CCL13: variants seen among roughly 807,000 people sequenced by gnomAD.
The protein encoded by CCL13 is C-C motif chemokine 13.
In CCL13, 5 loss-of-function variants were observed where a neutral mutation model predicts 6.6. The observed-to-expected ratio is 0.76, with a 90% confidence interval of 0.40 to 1.60. CCL13 has a LOEUF of 1.60. CCL13 is among the 40% of genes most tolerant of loss of function. The pLI, the probability that CCL13 is intolerant of heterozygous loss-of-function variation, is 0.02. For synonymous variants in CCL13, 39 were observed against 43.0 expected (o/e 0.91, Z 0.37); for missense variants, 117 against 114.2 (o/e 1.02, Z -0.11).
rs1252719960 is a variant in CCL13 at position 34,358,454 on chromosome 17, G to T, written c.*323G>T. On this transcript the variant is annotated 3_prime_UTR_variant, in exon 3 of 3. Transcript: ENST00000225844. ...TTCGGTTCCCAGGGGTTGAGAGCATGCCTGTGGGAGTCATGGACATGAAGG... is the reference window on the plus strand; with the variant it reads ...TTCGGTTCCCAGGGGTTGAGAGCATTCCTGTGGGAGTCATGGACATGAAGG... The T allele has an allele frequency of 8.7e-6, 3 of 344,752 alleles. No individual in the cohort carries two copies. The highest frequency in any genetic ancestry group is 6.6e-5 in the African/African-American group (3 of 45,538). The allele number at this position is 344,752 out of a possible 1,614,324, so 21.4% of individuals were successfully genotyped here. A position where few individuals can be genotyped will look rare whatever the true frequency, so the allele number is the denominator to read the frequency against.
chr17:34,356,533 GTC>G lies in CCL13; in HGVS notation c.11_12del (p.Ser4CysfsTer35). The G allele has an allele frequency of 6.2e-7, 1 of 1,611,702 alleles. No individual in the cohort carries two copies. Reference sequence around the variant, plus strand: ...CCAACTCTTAACCTTCAACATGAAAGTCTCTGCAGTGCTTCTGTGCCTGCTGC... The same window carrying G: ...CCAACTCTTAACCTTCAACATGAAAGTCTGCAGTGCTTCTGTGCCTGCTGC... MK[V>X]SAVLLCLLLM... On this transcript the variant is annotated frameshift_variant, in exon 1 of 3. Transcript: ENST00000225844. LOFTEE classifies it high-confidence loss of function.
At chr17:34,357,848 A>G (rs1425115781) in intron 2 of CCL13, among the ~76,000 whole-genome samples, 178 bp from the exon 3 acceptor site, 2 of 152,232 alleles carry the variant, frequency 1.3e-5, no homozygotes, top group Non-Finnish European at 2.9e-5. Context: ...AGGGGCAGCA[A>G]GAGCAGTGGC....
At chr17:34,357,630 C>T (rs1910386232) in intron 2 of CCL13, 41 bp downstream of exon 2, 2 of 1,163,758 alleles carry the variant, frequency 1.7e-6, no homozygotes, top group African/African-American at 3.0e-5. Context: ...CCTCCCCACT[C>T]CCACATTCCC....
intron 2 of CCL13, among the ~76,000 whole-genome samples, 177 bp downstream of exon 2, chr17:34,357,766 T>C (rs1910390554): frequency 6.6e-6 from 1 of 152,206 alleles, no homozygotes; most frequent in Admixed American, 6.5e-5. Context: ...AGAGGACCTA[T>C]AATTTCCCAC....
chr17:34,356,539 G>T lies in CCL13; in HGVS notation c.13G>T (p.Ala5Ser), dbSNP rs3136677. 2.0e-3 allele frequency: 3,220 copies of T among 1,612,836 alleles called. 35 individuals carry two copies. In the African/African-American group the frequency reaches 0.035, roughly 18 times the overall value. The change falls in exon 1 of 3, where the codon GCA becomes TCA. Residue 5 changes from alanine to serine, a missense_variant. By Grantham distance (99) the Ala-to-Ser change is moderately conservative. Transcript: ENST00000225844. ...CTTAACCTTCAACATGAAAGTCTCT[G>T]CAGTGCTTCTGTGCCTGCTGCTCAT... MKVS[A>S]VLLCLLLMTA...
rs1237871365 is a variant in CCL13 at position 34,358,146 on chromosome 17, A to C, written c.*15A>C. 6.4e-7 allele frequency: 1 copy of C among 1,566,924 alleles called. No homozygotes were observed. Among genetic ancestry groups the C allele is most frequent in the Non-Finnish European group, 8.8e-7 (1 of 1,137,474 alleles). ...TGAAGACTTGAACTCTGCTACCCCT[A>C]CTGAAATCAAGCTGGAGTACGTGAA... On this transcript the variant is annotated 3_prime_UTR_variant, in exon 3 of 3. Transcript: ENST00000225844.
intron 2 of CCL13, 27 bp from the exon 3 acceptor site, chr17:34,357,999 A>C: frequency 1.3e-6 from 2 of 1,536,964 alleles, no homozygotes; most frequent in Non-Finnish European, 1.8e-6. Context: ...GTTCCATCTA[A>C]CTGTGCCAGA....
At position 34,358,274 on chromosome 17, in the gene CCL13, ATG is replaced by A. The variant is rs940311334; in HGVS notation, c.*147_*148del. The A allele has an allele frequency of 2.4e-5, 16 of 670,996 alleles. No individual in the cohort carries two copies. Among genetic ancestry groups the A allele is most frequent in the Non-Finnish European group, 4.2e-5 (16 of 379,864 alleles). 41.6% of individuals were successfully genotyped at this position (670,996 alleles called of 1,614,324 possible). A position where few individuals can be genotyped will look rare whatever the true frequency, so the allele number is the denominator to read the frequency against. The stretch of plus-strand genomic sequence containing the variant: ...TCGGTTTTGTGATTCAAAATGTACT[ATG>A]TGTTAAGTAATATTGGCTATTATTT... On this transcript the variant is annotated 3_prime_UTR_variant, in exon 3 of 3. Transcript: ENST00000225844.
In CCL13 at chr17:34,357,519, A is replaced by T; in HGVS notation, c.121A>T (p.Lys41Ter). Residue 41 changes from lysine (K) to a stop codon, truncating the protein, a stop_gained, in exon 2 of 3, where the codon AAG becomes TAG. Transcript: ENST00000225844. LOFTEE classifies it high-confidence loss of function. Reference protein sequence around the residue: ...PSTCCFTFSSKKISLQRLKSY... With the variant: ...PSTCCFTFSS ...TACTTGCTGCTTCACATTTAGCAGTAAGAAGATCTCCTTGCAGAGGCTGAA... is the reference window on the plus strand; with the variant it reads ...TACTTGCTGCTTCACATTTAGCAGTTAGAAGATCTCCTTGCAGAGGCTGAA... 2 of 1,613,292 alleles carry T rather than the reference A, an allele frequency of 1.2e-6. No homozygotes were observed. Among genetic ancestry groups the T allele is most frequent in the Non-Finnish European group, 1.7e-6 (2 of 1,179,270 alleles).
At chr17:34,357,016 C>T (rs1910367356) in intron 1 of CCL13, among the ~76,000 whole-genome samples, 1 of 152,180 alleles carries the variant, frequency 6.6e-6, no homozygotes, top group Admixed American at 6.5e-5. Flanking sequence ...TAAGGCTCCT[C>T]AGAGGTTCAC....
intron 1 of CCL13, 123 bp from the exon 2 acceptor site, chr17:34,357,352 G>A: frequency 7.6e-6 from 5 of 653,996 alleles, no homozygotes; most frequent in African/African-American, 1.8e-5. Flanking sequence ...TGCTGGGCTT[G>A]GGGGTGAGTA....
At position 34,358,011 on chromosome 17, in the gene CCL13, C is replaced by T. The variant is rs993972988; in HGVS notation, c.192-15C>T. ...AGGGTTCCATCTAACTGTGCCAGAT[C>T]TCCTTCCTCCACAGCTTCAGAACCA... is the stretch of plus-strand genomic sequence containing the variant. On this transcript the variant is annotated splice_polypyrimidine_tract_variant and intron_variant, in intron 2 of 2. Transcript: ENST00000225844. The T allele has an allele frequency of 6.3e-7, 1 of 1,587,460 alleles. No individual in the cohort carries two copies. The highest frequency in any genetic ancestry group is 8.6e-7 in the Non-Finnish European group (1 of 1,158,644).
chr17:34,358,035 C>A lies in CCL13; in HGVS notation c.201C>A (p.Thr67=), dbSNP rs1220597651. The A allele has an allele frequency of 3.7e-6, 6 of 1,612,316 alleles. No individual in the cohort carries two copies. In the Admixed American group the frequency reaches 5.0e-5, roughly 13 times the overall value. The change falls in exon 3 of 3, where the codon ACC becomes ACA. Residue 67 remains threonine (T), a synonymous_variant. Coordinates refer to ENST00000225844, the MANE Select transcript of CCL13 (RefSeq NM_005408.3). The part of the protein sequence containing the change: ...RCPQKAVIFR[T]KLGKEICADP... ...TCTCCTTCCTCCACAGCTTCAGAAC[C>A]AAACTGGGCAAGGAGATCTGTGCTG...
At chr17:34,357,637 T>G in intron 2 of CCL13, 48 bp downstream of exon 2, 1 of 1,125,562 alleles carries the variant, frequency 8.9e-7, no homozygotes, top group African/African-American at 1.5e-5. Context: ...ACTCCCACAT[T>G]CCCCAATCCA....
chr17:34,356,541 A>C lies in CCL13; in HGVS notation c.15A>C (p.Ala5=). Residue 5 remains alanine, a synonymous_variant, in exon 1 of 3, where the codon GCA becomes GCC. Coordinates refer to ENST00000225844, the MANE Select transcript of CCL13 (RefSeq NM_005408.3). ...TAACCTTCAACATGAAAGTCTCTGC[A>C]GTGCTTCTGTGCCTGCTGCTCATGA... is the stretch of plus-strand genomic sequence containing the variant. MKVS[A]VLLCLLLMTA... 6.2e-7 allele frequency: 1 copy of C among 1,613,084 alleles called. No homozygotes were observed. Among genetic ancestry groups the C allele is most frequent in the Non-Finnish European group, 8.5e-7 (1 of 1,179,146 alleles).
chr17:34,357,612 A>G, intron 2 of CCL13, 23 bp downstream of exon 2: 1 of 1,429,590 alleles, frequency 7.0e-7, no homozygotes, highest in Non-Finnish European at 9.9e-7. Context: ...ATCCCTGCTC[A>G]CCTGGCTCCT....
chr17:34,356,955 G>A (rs898566782), intron 1 of CCL13, among the ~76,000 whole-genome samples: 32 of 152,294 alleles, frequency 2.1e-4, no homozygotes, highest in African/African-American at 7.5e-4. Flanking sequence ...GATTACAGGC[G>A]TGAGCCACCA....
chr17:34,357,665 ACAGACGT>A, intron 2 of CCL13, 76 bp downstream of exon 2: 1 of 875,212 alleles, frequency 1.1e-6, no homozygotes, highest in Non-Finnish European at 1.9e-6. Context: ...GCCCCAGGAG[ACAGACGT>A]CAGACTGACT....
chr17:34,358,137 G>A lies in CCL13; in HGVS notation c.*6G>A, dbSNP rs775907825. On this transcript the variant is annotated 3_prime_UTR_variant, in exon 3 of 3. Coordinates refer to ENST00000225844, the MANE Select transcript of CCL13 (RefSeq NM_005408.3). ...CTCACACCCTGAAGACTTGAACTCT[G>A]CTACCCCTACTGAAATCAAGCTGGA... is the stretch of plus-strand genomic sequence containing the variant. The A allele has an allele frequency of 2.5e-6, 4 of 1,597,614 alleles. No homozygotes were observed. Among genetic ancestry groups the A allele is most frequent in the Non-Finnish European group, 1.7e-6 (2 of 1,165,120 alleles).
Sources: allele counts gnomAD v4.1 joint callset (sites outside exome capture counted in the v4.1 genomes callset), GRCh38; gene constraint gnomAD v4.1.1; transcripts MANE v1.5; gene names NCBI Gene and HGNC (gene_info 2026-07-23, HGNC 2026-07-21).